DDX59: variants seen among roughly 807,000 people sequenced by gnomAD.
DDX59 encodes DEAD-box helicase 59, also known as probable ATP-dependent RNA helicase DDX59.
Under a neutral mutation model 51.9 loss-of-function variants are expected in DDX59, and 30 were observed. The ratio of observed to expected loss-of-function variants is 0.58; its 90% confidence interval spans 0.43 to 0.78. The LOEUF is 0.78. Among genes scored for constraint, DDX59 ranks in the 30% least tolerant of loss-of-function variants. The probability of loss-of-function intolerance (pLI) is 0.00; values close to 1 mark genes in which losing one functional copy is unlikely to be tolerated. For synonymous variants in DDX59, 255 were observed against 253.3 expected (o/e 1.01, Z -0.06); for missense variants, 672 against 730.8 (o/e 0.92, Z 0.93).
chr1:200,666,322 T>C lies in DDX59; in HGVS notation c.419A>G (p.Lys140Arg). 1 of 1,614,242 alleles carries C rather than the reference T, an allele frequency of 6.2e-7. No homozygotes were observed. The highest frequency in any genetic ancestry group is 8.5e-7 in the Non-Finnish European group (1 of 1,180,042). ...ECKAKHLLQV[K>R]EKEEKSKLSN... ...GAGTTTTGATTTCTCTTCCTTTTCC[T>C]TAACTTGTAGAAGATGTTTCGCTTT... The change falls in exon 2 of 8, where the codon AAG (lysine) becomes AGG (arginine). Residue 140 changes from lysine (K) to arginine (R), a missense_variant. Lys to Arg is a conservative substitution (Grantham distance 26, BLOSUM62 2). Coordinates refer to ENST00000331314, the MANE Select transcript of DDX59 (RefSeq NM_001031725.6).
chr1:200,665,703 G>C (rs1336513052), intron 2 of DDX59, among the ~76,000 whole-genome samples: 3 of 152,086 alleles, frequency 2.0e-5, no homozygotes, highest in Non-Finnish European at 1.5e-5. Flanking sequence ...AAGGAAGCAA[G>C]TTTTTAGATC....
At chr1:200,655,255 T>C (rs1661943585) in intron 4 of DDX59, among the ~76,000 whole-genome samples, 3 of 152,178 alleles carry the variant, frequency 2.0e-5, no homozygotes, top group Non-Finnish European at 4.4e-5. Flanking sequence ...GTCACCTCTC[T>C]TGCCTTCTTC....
At chr1:200,642,090 G>A (rs934368960), downstream of DDX59, among the ~76,000 whole-genome samples, 8 of 152,154 alleles carry the variant, frequency 5.3e-5, no homozygotes, top group Non-Finnish European at 8.8e-5. Flanking sequence ...CTTATAAAGT[G>A]GCACTGAATA....
intron 3 of DDX59, among the ~76,000 whole-genome samples, chr1:200,662,667 A>AT (rs945375810): frequency 6.6e-6 from 1 of 152,152 alleles, no homozygotes; most frequent in Non-Finnish European, 1.5e-5. Flanking sequence ...ATTAACATAT[A>AT]TTTTTTTAAG....
At chr1:200,651,201 G>T (rs989862234) in intron 4 of DDX59, among the ~76,000 whole-genome samples, 25 of 148,182 alleles carry the variant, frequency 1.7e-4, no homozygotes, top group African/African-American at 5.7e-4. Context: ...TGCAAAGTTT[G>T]TTTTTTTTTT....
At chr1:200,653,369 A>AT (rs768675776) in intron 4 of DDX59, among the ~76,000 whole-genome samples, 1 of 152,100 alleles carries the variant, frequency 6.6e-6, no homozygotes, top group Non-Finnish European at 1.5e-5. Flanking sequence ...AGAAACTCTT[A>AT]TTTCATCTGT....
chr1:200,659,110 T>C lies in DDX59; in HGVS notation c.979A>G (p.Ile327Val), dbSNP rs1259678925. ...TCCAGAAGTCGCCCAGGGGTTGCTA[T>C]GATAACCTAAATAAAAGAGAAAAAG... is the stretch of plus-strand genomic sequence containing the variant. The part of the protein sequence containing the change: ...YRLQQHVKVI[I>V]ATPGRLLDII... The change falls in exon 4 of 8, where the codon ATA becomes GTA. Residue 327 changes from isoleucine (I) to valine (V), a missense_variant. Ile to Val is a conservative substitution (Grantham distance 29, BLOSUM62 3). Coordinates refer to ENST00000331314, the MANE Select transcript of DDX59 (RefSeq NM_001031725.6). 11 of 1,612,172 alleles carry C rather than the reference T, an allele frequency of 6.8e-6. No individual in the cohort carries two copies. The East Asian group carries it at 2.5e-4, about 36-fold the overall frequency.
downstream of DDX59, chr1:200,641,339 G>C: frequency 1.7e-6 from 1 of 603,526 alleles, no homozygotes; most frequent in Non-Finnish European, 2.5e-6. Context: ...TAATCAGTGA[G>C]TCACAGTTTA....
intron 5 of DDX59, among the ~76,000 whole-genome samples, 190 bp from the exon 6 acceptor site, chr1:200,649,416 TAGG>T (rs1016441829): frequency 1.2e-4 from 18 of 151,710 alleles, no homozygotes. Context: ...ATCACAAGGT[TAGG>T]AGTTCGAGAC....
intron 7 of DDX59, among the ~76,000 whole-genome samples, chr1:200,646,899 A>C (rs1397648882): frequency 6.6e-6 from 1 of 152,198 alleles, no homozygotes; most frequent in Admixed American, 6.5e-5. Context: ...CTACACGATA[A>C]ATTTTTTTGG....
At chr1:200,664,875 G>A (rs1025211444) in intron 2 of DDX59, among the ~76,000 whole-genome samples, 5 of 152,006 alleles carry the variant, frequency 3.3e-5, no homozygotes, top group Admixed American at 1.3e-4. Context: ...GGGTTTCTCC[G>A]TGTTGACCAG....
chr1:200,648,312 G>T, intron 7 of DDX59, 127 bp downstream of exon 7: 1 of 1,293,490 alleles, frequency 7.7e-7, no homozygotes, highest in Non-Finnish European at 1.1e-6. Flanking sequence ...CTTCCAAAGT[G>T]CTGGGATTAC....
At position 200,666,024 on chromosome 1, in the gene DDX59, C is replaced by T. The variant is rs1478745976; in HGVS notation, c.717G>A (p.Leu239=). ...CTGCACTGGCCAGAATGTCTCTTCC[C>T]AGAAGTCCCACAGGAATCATCTGCA... is the stretch of plus-strand genomic sequence containing the variant. ...IQMQMIPVGL[L]GRDILASADT... Residue 239 remains leucine (L), a synonymous_variant, in exon 2 of 8, where the codon CTG becomes CTA. Transcript: ENST00000331314. 1 of 1,614,040 alleles carries T rather than the reference C, an allele frequency of 6.2e-7. No homozygotes were observed. The highest frequency in any genetic ancestry group is 2.2e-5 in the East Asian group (1 of 44,898).
chr1:200,652,099 C>CT (rs1325809053), intron 4 of DDX59, among the ~76,000 whole-genome samples: 4 of 150,048 alleles, frequency 2.7e-5, no homozygotes, highest in Admixed American at 6.7e-5. Flanking sequence ...GTATTTAATT[C>CT]TTTTTTTTCC....
At chr1:200,650,819 AAT>A (rs1472325004) in intron 4 of DDX59, 143 bp from the exon 5 acceptor site, 14 of 694,666 alleles carry the variant, frequency 2.0e-5, no homozygotes, top group South Asian at 2.9e-5. Context: ...GAACTGGAAA[AAT>A]ATGTTTATAC....
chr1:200,644,792 A>G (rs1214074225), intron 7 of DDX59, among the ~76,000 whole-genome samples: 2 of 147,938 alleles, frequency 1.4e-5, no homozygotes, highest in Non-Finnish European at 3.0e-5. Flanking sequence ...GCTACTTGGG[A>G]GGCTGAGGCA....
chr1:200,659,747 G>A (rs1662259985), intron 3 of DDX59, among the ~76,000 whole-genome samples: 1 of 152,152 alleles, frequency 6.6e-6, no homozygotes, highest in East Asian at 1.9e-4. Flanking sequence ...TCACCCAGCA[G>A]GGAGTGCGTG....
chr1:200,650,736 A>C (rs1661607535), intron 4 of DDX59, 60 bp from the exon 5 acceptor site: 4 of 1,397,976 alleles, frequency 2.9e-6, no homozygotes, highest in African/African-American at 2.9e-5. Flanking sequence ...AACCACCCCC[A>C]AAAAAGACTG....
chr1:200,653,057 C>A (rs1661769894), intron 4 of DDX59, among the ~76,000 whole-genome samples: 1 of 152,206 alleles, frequency 6.6e-6, no homozygotes, highest in South Asian at 2.1e-4. Context: ...AATCTCTATA[C>A]ATTGGGGAGC....
Sources: gnomAD v4.1 joint callset for allele counts (sites outside exome capture counted in the v4.1 genomes callset) on GRCh38, gnomAD v4.1.1 for gene constraint, MANE v1.5 for transcripts, NCBI Gene and HGNC (gene_info 2026-07-23, HGNC 2026-07-21) for gene names.